Variants in FAF1 observed in about 807,000 individuals in gnomAD.
FAF1 encodes Fas associated factor 1, also known as FAS-associated factor 1.
A neutral mutation model predicts 92.5 loss-of-function variants in FAF1; 25 were observed. That is an observed-to-expected ratio of 0.27 (90% CI 0.20 to 0.38). The LOEUF is 0.38. Among genes scored for constraint, FAF1 ranks in the 10% least tolerant of loss-of-function variants. The probability of loss-of-function intolerance (pLI) is 1.00; values close to 1 mark genes in which losing one functional copy is unlikely to be tolerated. For missense variants in FAF1, 636 were observed against 793.3 expected (o/e 0.80, Z 2.38); for synonymous variants, 234 against 273.2 (o/e 0.86, Z 1.42).
At chr1:50,853,481 A>G (rs1417348287) in intron 2 of FAF1, among the ~76,000 whole-genome samples, 1 of 152,144 alleles carries the variant, frequency 6.6e-6, no homozygotes, top group Non-Finnish European at 1.5e-5. Flanking sequence ...ATGTAGTTAA[A>G]GACAAATATA....
At chr1:50,702,514 A>C (rs997614981) in intron 7 of FAF1, among the ~76,000 whole-genome samples, 5 of 152,150 alleles carry the variant, frequency 3.3e-5, no homozygotes. Flanking sequence ...AATGGAAAAC[A>C]GAAAAGATTT....
intron 1 of FAF1, among the ~76,000 whole-genome samples, chr1:50,954,672 G>A (rs1645250196): frequency 1.3e-5 from 2 of 151,136 alleles, no homozygotes; most frequent in Admixed American, 1.3e-4. Context: ...TCCCACAGCT[G>A]GGATTACAGA....
chr1:50,637,672 C>CATAT (rs772902400), intron 8 of FAF1, among the ~76,000 whole-genome samples: 74 of 141,162 alleles, frequency 5.2e-4, no homozygotes, highest in Admixed American at 2.0e-3. Flanking sequence ...GTGGCTCACA[C>CATAT]ATATATATAT....
At chr1:50,605,605 A>AATT (rs1191603023) in intron 8 of FAF1, among the ~76,000 whole-genome samples, 25 of 152,254 alleles carry the variant, frequency 1.6e-4, no homozygotes, top group Admixed American at 3.9e-4. Flanking sequence ...CCACACTGTG[A>AATT]ATTAAAATAG....
chr1:50,568,347 C>A (rs1650265337), intron 12 of FAF1, among the ~76,000 whole-genome samples: 1 of 151,958 alleles, frequency 6.6e-6, no homozygotes, highest in South Asian at 2.1e-4. Context: ...GTGTGGGATT[C>A]TGAACAAAAG....
intron 1 of FAF1, among the ~76,000 whole-genome samples, chr1:50,926,912 C>A (rs1645010353): frequency 6.6e-6 from 1 of 152,154 alleles, no homozygotes; most frequent in Non-Finnish European, 1.5e-5. Context: ...GTTCACACAA[C>A]AGAGTATTGT....
At position 50,929,875 on chromosome 1, in the gene FAF1, G is replaced by A. The variant is rs77808757; in HGVS notation, c.45+29892C>T. ...AACTTATAAGTATTCTGTCTTACCA[G>A]AAGCTACAAATATAATGTAACGCTA... On this transcript the variant is annotated intron_variant, in intron 1 of 18. Coordinates refer to ENST00000396153, the MANE Select transcript of FAF1 (RefSeq NM_007051.3). Among the ~76,000 whole-genome samples, 589 of 152,250 alleles carry A rather than the reference G, an allele frequency of 3.9e-3. 5 individuals are homozygous for A. Among genetic ancestry groups the A allele is most frequent in the African/African-American group, 0.014 (561 of 41,536 alleles).
At chr1:50,476,244 A>G (rs924427098) in intron 17 of FAF1, among the ~76,000 whole-genome samples, 2 of 152,248 alleles carry the variant, frequency 1.3e-5, no homozygotes, top group East Asian at 3.8e-4. Flanking sequence ...TGTATACTTA[A>G]GAATGGCAAG....
In FAF1 at chr1:50,640,829, A is replaced by ATTTTTTTTTTTTTTT. The variant is rs71059592; in HGVS notation, c.744+14598_744+14612dup. Among the ~76,000 whole-genome samples, 2 of 88,504 alleles carry ATTTTTTTTTTTTTTT rather than the reference A, an allele frequency of 2.3e-5. 1 individual carries two copies. 58.1% of individuals were successfully genotyped at this position (88,504 alleles called of 152,430 possible). The stretch of plus-strand genomic sequence containing the variant: ...AGTCTAGCTAGGAGTTTATCAGCTG[A>ATTTTTTTTTTTTTTT]TTTTTTTTTTTTTTTTTTTTTTTGA... On this transcript the variant is annotated intron_variant, in intron 8 of 18. Transcript: ENST00000396153.
At chr1:50,535,345 T>C in intron 15 of FAF1, 24 bp downstream of exon 15, 1 of 1,447,232 alleles carries the variant, frequency 6.9e-7, no homozygotes, top group Non-Finnish European at 9.7e-7. Flanking sequence ...ATCAAAATCC[T>C]ATTAAAGATC....
At chr1:50,676,884 TAG>T (rs1416173682) in intron 7 of FAF1, among the ~76,000 whole-genome samples, 1 of 152,092 alleles carries the variant, frequency 6.6e-6, no homozygotes, top group Non-Finnish European at 1.5e-5. Context: ...ACTTGAGATA[TAG>T]GAGTACATAC....
At chr1:50,544,672 T>A (rs971413520) in intron 13 of FAF1, among the ~76,000 whole-genome samples, 1 of 152,142 alleles carries the variant, frequency 6.6e-6, no homozygotes, top group African/African-American at 2.4e-5. Flanking sequence ...AACTCCAATC[T>A]GATCTGAAAA....
chr1:50,944,236 C>G (rs898830182), intron 1 of FAF1, among the ~76,000 whole-genome samples: 1 of 152,160 alleles, frequency 6.6e-6, no homozygotes, highest in East Asian at 1.9e-4. Flanking sequence ...ATGATCAGAG[C>G]CATGGGGGAT....
intron 4 of FAF1, among the ~76,000 whole-genome samples, chr1:50,747,713 G>A (rs1348991027): frequency 6.6e-6 from 1 of 152,168 alleles, no homozygotes; most frequent in African/African-American, 2.4e-5. Context: ...ATATGGTTTG[G>A]ATTTGCATCC....
At chr1:50,858,074 G>A in intron 1 of FAF1, 77 bp from the exon 2 acceptor site, 3 of 955,364 alleles carry the variant, frequency 3.1e-6, no homozygotes, top group Non-Finnish European at 4.8e-6. Flanking sequence ...AATGTAAATA[G>A]CATAATATGT....
At chr1:50,816,450 C>T (rs556216824) in intron 2 of FAF1, among the ~76,000 whole-genome samples, 11 of 151,966 alleles carry the variant, frequency 7.2e-5, no homozygotes, top group Admixed American at 2.0e-4. Context: ...GTGATCCTTC[C>T]GCCTCGGCCT....
intron 18 of FAF1, among the ~76,000 whole-genome samples, chr1:50,473,253 A>C (rs1646598862): frequency 6.6e-6 from 1 of 152,194 alleles, no homozygotes; most frequent in African/African-American, 2.4e-5. Flanking sequence ...AATAATGATC[A>C]AAAAGCCTAG....
intron 8 of FAF1, among the ~76,000 whole-genome samples, chr1:50,620,951 C>T (rs975215198): frequency 1.8e-4 from 27 of 152,218 alleles, no homozygotes; most frequent in African/African-American, 5.5e-4. Context: ...TTAGGTGTTC[C>T]GGGCCATGGG....
chr1:50,582,444 T>G (rs1049489161), intron 12 of FAF1, 174 bp downstream of exon 12: 1 of 551,660 alleles, frequency 1.8e-6, no homozygotes, highest in East Asian at 2.8e-5. Context: ...ATTGGACTTA[T>G]ACAGAGATGA....
Sources: allele counts gnomAD v4.1 joint callset (sites outside exome capture counted in the v4.1 genomes callset), GRCh38; gene constraint gnomAD v4.1.1; transcripts MANE v1.5; gene names NCBI Gene and HGNC (gene_info 2026-07-23, HGNC 2026-07-21).